KDM4C: variants seen among roughly 807,000 people sequenced by gnomAD.
KDM4C encodes lysine-specific demethylase 4C.
A neutral mutation model predicts 129.3 loss-of-function variants in KDM4C; 81 were observed. The observed-to-expected ratio is 0.63, with a 90% CI of 0.52 to 0.75. The LOEUF is 0.75. KDM4C is among the 30% of genes least tolerant of loss of function. The pLI, the probability that KDM4C is intolerant of heterozygous loss-of-function variation, is 0.00. For synonymous variants in KDM4C, 573 were observed against 456.1 expected, an observed-to-expected ratio of 1.26 and a Z score of -3.26; for missense variants, 1,457 against 1,304.0, an observed-to-expected ratio of 1.12 and a Z score of -1.81.
chr9:7,170,180 A>G (rs1306065333), intron 21 of KDM4C: 1 of 1,270,316 alleles, frequency 7.9e-7, no homozygotes, highest in Non-Finnish European at 1.0e-6. Flanking sequence ...CTCTGTGTAA[A>G]ACACCAGGAG....
chr9:6,777,284 T>G (rs1469288858), intron 1 of KDM4C, among the ~76,000 whole-genome samples: 3 of 152,222 alleles, frequency 2.0e-5, no homozygotes, highest in African/African-American at 7.2e-5. Flanking sequence ...TTTCTGCCAC[T>G]TACGTTCTCA....
chr9:7,115,214 TTA>T (rs776736106), intron 18 of KDM4C, among the ~76,000 whole-genome samples: 1 of 152,238 alleles, frequency 6.6e-6, no homozygotes, highest in Admixed American at 6.5e-5. Context: ...GGTTATTTAT[TTA>T]TTTTTTTCGT....
intron 18 of KDM4C, among the ~76,000 whole-genome samples, chr9:7,126,327 T>A (rs1840022981): frequency 6.6e-6 from 1 of 152,242 alleles, no homozygotes; most frequent in Admixed American, 6.5e-5. Flanking sequence ...GTCTTAATTC[T>A]TAATTTAAAA....
intron 1 of KDM4C, among the ~76,000 whole-genome samples, chr9:6,742,403 T>A (rs2130265729): frequency 1.3e-5 from 2 of 152,244 alleles, no homozygotes; most frequent in South Asian, 4.1e-4. Context: ...TCTTTTTTAT[T>A]CATTTATTTA....
At chr9:6,790,190 C>CA (rs1564009472) in intron 1 of KDM4C, among the ~76,000 whole-genome samples, 1 of 151,162 alleles carries the variant, frequency 6.6e-6, no homozygotes, top group Non-Finnish European at 1.5e-5. Context: ...AGGCGTGAGC[C>CA]ACCGCGCCTG....
intron 18 of KDM4C, among the ~76,000 whole-genome samples, chr9:7,109,494 T>C (rs928297521): frequency 6.6e-6 from 1 of 152,242 alleles, no homozygotes; most frequent in African/African-American, 2.4e-5. Context: ...AGGATTTTTA[T>C]TTGGAAGGCC....
intron 18 of KDM4C, among the ~76,000 whole-genome samples, chr9:7,119,048 G>T (rs1403140612): frequency 6.6e-6 from 1 of 152,094 alleles, no homozygotes; most frequent in Non-Finnish European, 1.5e-5. Flanking sequence ...GGGGAGAAAT[G>T]ATATTTAAGA....
intron 17 of KDM4C, among the ~76,000 whole-genome samples, chr9:7,078,896 A>G (rs1834218379): frequency 6.6e-6 from 1 of 152,202 alleles, no homozygotes; most frequent in South Asian, 2.1e-4. Flanking sequence ...ACTCACAGCT[A>G]AGATTTATTG....
intron 4 of KDM4C, chr9:6,818,856 AG>A (rs1200457461): frequency 6.6e-5 from 10 of 152,320 alleles, no homozygotes; most frequent in African/African-American, 2.4e-4. Context: ...ATGCATAGTC[AG>A]TCTCATAGTT....
chr9:6,984,482 A>T (rs1041003642), intron 10 of KDM4C, 78 bp downstream of exon 10: 5 of 902,708 alleles, frequency 5.5e-6, no homozygotes, highest in Non-Finnish European at 9.0e-6. Context: ...GATGTTCACT[A>T]TGACAAGTAT....
rs79176403 is a variant in KDM4C at position 6,767,939 on chromosome 9, A to G, written c.-18+9736A>G. On this transcript the variant is annotated intron_variant, in intron 1 of 21. Coordinates refer to ENST00000381309, the MANE Select transcript of KDM4C (RefSeq NM_015061.6). ...ATTTTATTTATTTTTCTAAGTTTGT[A>G]TTATATATACACACATAATATTTCT... Among the ~76,000 whole-genome samples, 810 of 151,730 alleles carry G rather than the reference A, an allele frequency of 5.3e-3. 20 individuals are homozygous for G. Among genetic ancestry groups the G allele is most frequent in the East Asian group, 0.037 (191 of 5,172 alleles).
At chr9:6,900,609 T>A (rs2130968514) in intron 8 of KDM4C, among the ~76,000 whole-genome samples, 1 of 152,326 alleles carries the variant, frequency 6.6e-6, no homozygotes, top group Admixed American at 6.5e-5. Context: ...CACTCCAGCC[T>A]GGGCAACAAT....
rs1588025926 is a variant in KDM4C at position 6,723,172 on chromosome 9, G to A, written c.49+2175G>A. Among the ~76,000 whole-genome samples, 5 of 151,922 alleles carry A rather than the reference G, an allele frequency of 3.3e-5. No individual in the cohort carries two copies. The South Asian group carries it at 1.0e-3, about 32-fold the overall frequency. ...GTGGATCTCCTGAGATCAGGATTTC[G>A]AGACCAGCCTGCCCAACATGGAGAA... On this transcript the variant is annotated intron_variant, in intron 1 of 17. Transcript: ENST00000536108.
Position 6,836,659 on chromosome 9 carries a change from T to G in KDM4C, c.436-12848T>G, listed in dbSNP as rs866949480. ...CGTATTTTAACACAATATGTTTAGT[T>G]TGGCTTATTTTTGACCTTATTAAAA... On this transcript the variant is annotated intron_variant, in intron 4 of 21. Transcript: ENST00000381309. Among the ~76,000 whole-genome samples, 25 of 152,316 alleles carry G rather than the reference T, an allele frequency of 1.6e-4. No individual in the cohort carries two copies. The Middle Eastern group carries it at 0.017, about 104-fold the overall frequency.
chr9:6,832,625 C>G (rs1835065891), intron 4 of KDM4C, among the ~76,000 whole-genome samples: 1 of 150,938 alleles, frequency 6.6e-6, no homozygotes, highest in South Asian at 2.1e-4. Flanking sequence ...TGGGGTTTCA[C>G]CATGTTAGCC....
intron 15 of KDM4C, among the ~76,000 whole-genome samples, chr9:7,036,995 A>G (rs956065694): frequency 1.2e-4 from 19 of 152,212 alleles, no homozygotes; most frequent in African/African-American, 4.3e-4. Flanking sequence ...TTGTCATTCA[A>G]TTATATAATC....
intron 8 of KDM4C, among the ~76,000 whole-genome samples, chr9:6,952,233 G>C (rs897879990): frequency 6.6e-6 from 1 of 151,928 alleles, no homozygotes; most frequent in Non-Finnish European, 1.5e-5. Context: ...GTTTAACATA[G>C]AGTTATTTAA....
intron 17 of KDM4C, among the ~76,000 whole-genome samples, chr9:7,097,222 G>A (rs1836541815): frequency 6.6e-6 from 1 of 152,210 alleles, no homozygotes; most frequent in Non-Finnish European, 1.5e-5. Context: ...GGTCCCTGTG[G>A]CTGCAGGCTC....
At chr9:6,995,910 TG>T (rs1819638639) in intron 12 of KDM4C, among the ~76,000 whole-genome samples, 4 of 152,030 alleles carry the variant, frequency 2.6e-5, no homozygotes, top group South Asian at 2.1e-4. Flanking sequence ...CCTCGTGATC[TG>T]CCCACCTCGG....
Sources: allele counts gnomAD v4.1 joint callset (sites outside exome capture counted in the v4.1 genomes callset), GRCh38; gene constraint gnomAD v4.1.1; transcripts MANE v1.5; gene names NCBI Gene and HGNC (gene_info 2026-07-23, HGNC 2026-07-21).